Variants in ESRRG observed in about 807,000 individuals in gnomAD.
The protein encoded by ESRRG is estrogen related receptor gamma.
A neutral mutation model predicts 44.0 loss-of-function variants in ESRRG; 13 were observed. That is an observed-to-expected ratio of 0.30 (90% CI 0.19 to 0.47). The LOEUF is 0.47. Among genes scored for constraint, ESRRG ranks in the 20% least tolerant of loss-of-function variants. ESRRG has a pLI of 1.00. For missense variants in ESRRG, 395 were observed against 580.6 expected, an observed-to-expected ratio of 0.68 and a Z score of 3.29; for synonymous variants, 215 against 214.6, an observed-to-expected ratio of 1.00 and a Z score of -0.02.
intron 2 of ESRRG, among the ~76,000 whole-genome samples, chr1:216,793,509 G>A (rs906383629): frequency 7.9e-5 from 12 of 152,066 alleles, no homozygotes; most frequent in African/African-American, 2.9e-4. Context: ...TCCAGCTACA[G>A]CCACATGAGG....
intron 1 of ESRRG, among the ~76,000 whole-genome samples, chr1:216,973,699 G>A (rs866614669): frequency 2.6e-5 from 4 of 151,972 alleles, no homozygotes; most frequent in African/African-American, 9.7e-5. Flanking sequence ...GGCGGTACAT[G>A]GTTTTAATCC....
intron 1 of ESRRG, among the ~76,000 whole-genome samples, chr1:217,130,216 G>C (rs1176772867): frequency 6.6e-6 from 1 of 152,058 alleles, no homozygotes; most frequent in African/African-American, 2.4e-5. Flanking sequence ...ATTGATAGCA[G>C]AAACTGCAAC....
intron 2 of ESRRG, among the ~76,000 whole-genome samples, chr1:216,918,504 C>T (rs1431729440): frequency 1.3e-5 from 2 of 152,222 alleles, no homozygotes; most frequent in African/African-American, 2.4e-5. Flanking sequence ...AGCTTCTCTA[C>T]ATAGATATAT....
intron 3 of ESRRG, among the ~76,000 whole-genome samples, chr1:216,643,378 C>T (rs925863583): frequency 6.6e-6 from 1 of 152,194 alleles, no homozygotes; most frequent in Non-Finnish European, 1.5e-5. Context: ...AGAAGAGGAT[C>T]TCCATACTCC....
chr1:216,774,173 G>A (rs1325859502), intron 2 of ESRRG, among the ~76,000 whole-genome samples: 1 of 152,206 alleles, frequency 6.6e-6, no homozygotes, highest in Admixed American at 6.5e-5. Flanking sequence ...TGCTTCCTTA[G>A]AGAGCTCGGT....
At chr1:216,881,166 A>G (rs1162402073) in intron 2 of ESRRG, among the ~76,000 whole-genome samples, 2 of 152,198 alleles carry the variant, frequency 1.3e-5, no homozygotes, top group Non-Finnish European at 2.9e-5. Flanking sequence ...ATTGGAGTGA[A>G]CCAGTTCCTA....
intron 2 of ESRRG, among the ~76,000 whole-genome samples, chr1:216,745,817 T>C (rs2091333801): frequency 6.6e-6 from 1 of 152,208 alleles, no homozygotes; most frequent in South Asian, 2.1e-4. Context: ...ATTATGGTGA[T>C]GTATATTTAT....
At chr1:216,785,918 C>T (rs2094112263) in intron 2 of ESRRG, among the ~76,000 whole-genome samples, 1 of 152,092 alleles carries the variant, frequency 6.6e-6, no homozygotes, top group Admixed American at 6.6e-5. Context: ...GGCAACAAAT[C>T]ATAACATTTT....
rs1237040449 is a variant in ESRRG at position 216,551,965 on chromosome 1, C to G, written c.862+12254G>C. ...TCACAAACCTCAGTCAGTCTCTCTA[C>G]TATATCTCTCTGCACAAAATAGAAA... On this transcript the variant is annotated intron_variant, in intron 5 of 6. Transcript: ENST00000408911. 2.6e-5 allele frequency among the ~76,000 whole-genome samples: 4 copies of G among 152,074 alleles called. No homozygotes were observed. The East Asian group carries it at 7.8e-4, about 29-fold the overall frequency.
chr1:216,687,532 C>T (rs767540168), intron 1 of ESRRG, among the ~76,000 whole-genome samples: 4 of 152,128 alleles, frequency 2.6e-5, no homozygotes, highest in Non-Finnish European at 4.4e-5. Flanking sequence ...CCAAATGCCA[C>T]GTGGATTTGT....
chr1:216,625,739 T>C (rs573392989), intron 3 of ESRRG, among the ~76,000 whole-genome samples: 1 of 152,356 alleles, frequency 6.6e-6, no homozygotes, highest in South Asian at 2.1e-4. Context: ...ATCTATTTCA[T>C]ACAGTTGTTA....
At chr1:217,003,579 A>ATTAATTAGTATTAATT (rs72187021) in intron 1 of ESRRG, among the ~76,000 whole-genome samples, 2 of 147,710 alleles carry the variant, frequency 1.4e-5, no homozygotes, top group Non-Finnish European at 3.0e-5. Flanking sequence ...ACTAATTAAT[A>ATTAATTAGTATTAATT]AGTATTAATA....
At chr1:216,784,554 T>C (rs145918143) in intron 2 of ESRRG, among the ~76,000 whole-genome samples, 75 of 152,230 alleles carry the variant, frequency 4.9e-4, no homozygotes, top group African/African-American at 1.7e-3. Flanking sequence ...CATAACAATT[T>C]ATTCCAGATT....
intron 6 of ESRRG, among the ~76,000 whole-genome samples, chr1:216,518,592 T>G (rs2045113839): frequency 6.6e-6 from 1 of 152,138 alleles, no homozygotes; most frequent in African/African-American, 2.4e-5. Context: ...TTATTAGAGG[T>G]TGCTATTTTA....
At chr1:216,825,655 A>T (rs1179690996) in intron 2 of ESRRG, among the ~76,000 whole-genome samples, 1 of 152,178 alleles carries the variant, frequency 6.6e-6, no homozygotes, top group Admixed American at 6.5e-5. Flanking sequence ...ATTCCTATGG[A>T]TGCTAGAAGT....
intron 2 of ESRRG, among the ~76,000 whole-genome samples, chr1:216,821,687 G>T (rs1559764207): frequency 1.8e-5 from 1 of 54,198 alleles, no homozygotes; most frequent in Non-Finnish European, 4.0e-5. Flanking sequence ...CCTGCCTCAG[G>T]AAAAATAAAT....
intron 1 of ESRRG, among the ~76,000 whole-genome samples, chr1:217,134,531 C>G (rs1031803862): frequency 1.3e-5 from 2 of 152,206 alleles, no homozygotes; most frequent in African/African-American, 4.8e-5. Flanking sequence ...GGATCCAAGA[C>G]CCGAGGTTAT....
chr1:216,976,287 T>TGTGTGTGA (rs1491099857), intron 1 of ESRRG, among the ~76,000 whole-genome samples: 2 of 3,610 alleles, frequency 5.5e-4, no homozygotes, highest in Non-Finnish European at 9.2e-4. Context: ...TGCTCCTAAA[T>TGTGTGTGA]GTGTGTGTGT....
At chr1:216,625,423 CAAAAAAA>C (rs57817803) in intron 3 of ESRRG, among the ~76,000 whole-genome samples, 1 of 115,700 alleles carries the variant, frequency 8.6e-6, no homozygotes, top group Non-Finnish European at 1.7e-5. Context: ...GCTCATTTGG[CAAAAAAA>C]AAAAAAAAAA....
Sources: allele counts gnomAD v4.1 joint callset (sites outside exome capture counted in the v4.1 genomes callset), GRCh38; gene constraint gnomAD v4.1.1; transcripts MANE v1.5; gene names NCBI Gene and HGNC (gene_info 2026-07-23, HGNC 2026-07-21).